The following TLN2 variants were observed in gnomAD, a reference collection of about 807,000 sequenced individuals.
TLN2 encodes talin 2.
In TLN2, 118 loss-of-function variants were observed where a neutral mutation model predicts 294.7. That is an observed-to-expected ratio of 0.40 (90% CI 0.34 to 0.47). The LOEUF (loss-of-function observed/expected upper bound fraction) is 0.47, where lower values mean the gene tolerates loss of function less well. Among genes scored for constraint, TLN2 ranks in the 20% least tolerant of loss-of-function variants. The probability of loss-of-function intolerance (pLI) is 0.84; values close to 1 mark genes in which losing one functional copy is unlikely to be tolerated. For synonymous variants in TLN2, 1,431 were observed against 1,304.5 expected, an observed-to-expected ratio of 1.10 and a Z score of -2.09; for missense variants, 3,083 against 3,282.2, an observed-to-expected ratio of 0.94 and a Z score of 1.48.
intron 1 of TLN2, among the ~76,000 whole-genome samples, chr15:62,486,903 ATGTTCACAG>A (rs2140397874): frequency 1.3e-5 from 2 of 151,980 alleles, no homozygotes; most frequent in African/African-American, 4.8e-5. Context: ...AGAAGGGCTA[ATGTTCACAG>A]AGAGCTCATA....
At chr15:62,622,841 G>A (rs908186617) in intron 3 of TLN2, among the ~76,000 whole-genome samples, 4 of 152,212 alleles carry the variant, frequency 2.6e-5, no homozygotes, top group African/African-American at 9.6e-5. Flanking sequence ...ATAAGATGGA[G>A]TTTGGGTTTC....
At chr15:62,416,067 A>T (rs370376392) in intron 1 of TLN2, among the ~76,000 whole-genome samples, 100 of 152,282 alleles carry the variant, frequency 6.6e-4, no homozygotes, top group African/African-American at 2.2e-3. Flanking sequence ...GGGAGGCCAA[A>T]GTGGGAAGAT....
chr15:62,400,649 C>T (rs2032946536), intron 1 of TLN2, among the ~76,000 whole-genome samples: 1 of 151,952 alleles, frequency 6.6e-6, no homozygotes, highest in Non-Finnish European at 1.5e-5. Context: ...ATGTTGGCTA[C>T]ATGTGAAGGG....
Position 62,740,630 on chromosome 15 carries a change from A to C in TLN2, c.3886A>C (p.Thr1296Pro), listed in dbSNP as rs1467799836. Residue 1296 changes from threonine to proline, a missense_variant and splice_region_variant, in exon 32 of 59, where the codon ACA becomes CCA. Coordinates refer to ENST00000636159, the MANE Select transcript of TLN2 (RefSeq NM_015059.3). Reference sequence around the variant, plus strand: ...GCTCCGGCTCCTTTTGACCTTCCAGACAAAAGAAGACCAGATCCAAGTGAT... The same window carrying C: ...GCTCCGGCTCCTTTTGACCTTCCAGCCAAAAGAAGACCAGATCCAAGTGAT... ...AGIEMAGQAQ[T>P]KEDQIQVIGN... The C allele has an allele frequency of 6.2e-7, 1 of 1,614,188 alleles. No homozygotes were observed. Among genetic ancestry groups the C allele is most frequent in the Non-Finnish European group, 8.5e-7 (1 of 1,180,034 alleles).
chr15:62,652,090 C>G lies in TLN2; in HGVS notation c.320C>G (p.Ser107Cys). 6.2e-7 allele frequency: 1 copy of G among 1,610,148 alleles called. No homozygotes were observed. Among genetic ancestry groups the G allele is most frequent in the South Asian group, 1.1e-5 (1 of 90,260 alleles). The change falls in exon 6 of 59, where the codon TCC becomes TGC. Residue 107 changes from serine to cysteine, a missense_variant. Ser to Cys is a moderately radical substitution (Grantham distance 112, BLOSUM62 -1). Coordinates refer to ENST00000636159, the MANE Select transcript of TLN2 (RefSeq NM_015059.3). Reference sequence around the variant, plus strand: ...GTGAAGACAGTGATGGTGGATGATTCCAAGACTGTGGGGGAGCTCCTGGTC... The same window carrying G: ...GTGAAGACAGTGATGGTGGATGATTGCAAGACTGTGGGGGAGCTCCTGGTC... ...GSVKTVMVDD[S>C]KTVGELLVTI...
intron 9 of TLN2, among the ~76,000 whole-genome samples, chr15:62,672,788 G>T (rs1221855842): frequency 6.6e-6 from 1 of 151,940 alleles, no homozygotes; most frequent in Non-Finnish European, 1.5e-5. Context: ...GTTGGGGGGT[G>T]GTGTCGGGGG....
rs545809111 is a variant in TLN2 at position 62,775,775 on chromosome 15, G to A, written c.5368-989G>A. On this transcript the variant is annotated intron_variant, in intron 42 of 58. Coordinates refer to ENST00000636159, the MANE Select transcript of TLN2 (RefSeq NM_015059.3). ...CCCAACAAGGTGGCTCAGGGCGGCC[G>A]TAGCCACGGCATGGGTAGACCCAGT... Among the ~76,000 whole-genome samples the A allele has an allele frequency of 5.3e-5, 8 of 152,352 alleles. No individual in the cohort carries two copies. The East Asian group carries it at 9.6e-4, about 18-fold the overall frequency.
intron 1 of TLN2, among the ~76,000 whole-genome samples, chr15:62,400,026 C>T (rs982538861): frequency 6.6e-6 from 1 of 152,190 alleles, no homozygotes; most frequent in Non-Finnish European, 1.5e-5. Flanking sequence ...TCTTGTAGTT[C>T]CCATAATCCC....
At chr15:62,665,993 T>G (rs1424377742) in intron 9 of TLN2, among the ~76,000 whole-genome samples, 1 of 152,204 alleles carries the variant, frequency 6.6e-6, no homozygotes, top group Non-Finnish European at 1.5e-5. Flanking sequence ...TGGGAGGTAG[T>G]GACCATTCAA....
At chr15:62,741,074 A>G (rs1471560221) in intron 32 of TLN2, among the ~76,000 whole-genome samples, 4 of 152,212 alleles carry the variant, frequency 2.6e-5, no homozygotes, top group Non-Finnish European at 4.4e-5. Flanking sequence ...TTTAAGTAGC[A>G]TTATATCTTT....
chr15:62,640,699 C>G (rs913820495), intron 3 of TLN2, among the ~76,000 whole-genome samples: 1 of 152,216 alleles, frequency 6.6e-6, no homozygotes, highest in Non-Finnish European at 1.5e-5. Context: ...CACACACACT[C>G]AGCCTCACAG....
intron 1 of TLN2, among the ~76,000 whole-genome samples, chr15:62,507,072 A>G (rs932652588): frequency 3.3e-5 from 5 of 152,222 alleles, no homozygotes; most frequent in African/African-American, 1.2e-4. Flanking sequence ...AAATAATTTT[A>G]AGATTATTTA....
chr15:62,503,247 A>G (rs2039406430), intron 1 of TLN2, among the ~76,000 whole-genome samples: 1 of 152,240 alleles, frequency 6.6e-6, no homozygotes, highest in South Asian at 2.1e-4. Flanking sequence ...TCACTTACTC[A>G]GTGAAACCAA....
chr15:62,755,430 C>A, intron 36 of TLN2, 102 bp from the exon 37 acceptor site: 1 of 1,397,138 alleles, frequency 7.2e-7, no homozygotes, highest in Non-Finnish European at 9.6e-7. Context: ...ATTACACAGG[C>A]TCTGAACATG....
chr15:62,485,296 T>C (rs142999870), intron 1 of TLN2, among the ~76,000 whole-genome samples: 482 of 152,324 alleles, frequency 3.2e-3, no homozygotes, highest in Non-Finnish European at 5.6e-3. Context: ...ACATGGACCA[T>C]AGTTCTGGCT....
chr15:62,669,868 C>T (rs1400163588), intron 9 of TLN2, among the ~76,000 whole-genome samples: 2 of 152,190 alleles, frequency 1.3e-5, no homozygotes, highest in East Asian at 3.9e-4. Context: ...CACATGCACA[C>T]ACTATTCATA....
At position 62,762,475 on chromosome 15, in the gene TLN2, T is replaced by G. The variant is rs2062734872; in HGVS notation, c.4961+22T>G. The G allele has an allele frequency of 1.9e-6, 3 of 1,610,578 alleles. No homozygotes were observed. In the East Asian group the frequency reaches 6.7e-5, roughly 36 times the overall value. On this transcript the variant is annotated intron_variant, in intron 39 of 58. Transcript: ENST00000636159. ...TCAGGTCAGTTTCCCATCCGGAGGT[T>G]GCTGCCAGCCTGCATCTCAGCGGGG...
chr15:62,613,489 G>A (rs571188543), intron 2 of TLN2, among the ~76,000 whole-genome samples: 12 of 152,216 alleles, frequency 7.9e-5, no homozygotes, highest in Admixed American at 1.3e-4. Flanking sequence ...ATGGAAAATG[G>A]TACAACCTCT....
chr15:62,800,628 G>A (rs368064831), intron 49 of TLN2, 25 bp from the exon 50 acceptor site: 330 of 1,613,186 alleles, frequency 2.0e-4, no homozygotes, highest in Non-Finnish European at 2.6e-4. Flanking sequence ...TGCACTATCT[G>A]TATTCATTCT....
Sources: gnomAD v4.1 joint callset for allele counts (sites outside exome capture counted in the v4.1 genomes callset) on GRCh38, gnomAD v4.1.1 for gene constraint, MANE v1.5 for transcripts, NCBI Gene and HGNC (gene_info 2026-07-23, HGNC 2026-07-21) for gene names.